TBCD: variants seen among roughly 807,000 people sequenced by gnomAD.
TBCD encodes the protein tubulin folding cofactor D.
TBCD carries 105 observed loss-of-function variants against 169.3 expected under a neutral mutation model. The ratio of observed to expected loss-of-function variants is 0.62; its 90% confidence interval spans 0.53 to 0.73. The LOEUF (loss-of-function observed/expected upper bound fraction) is 0.73, where lower values mean the gene tolerates loss of function less well. Among genes scored for constraint, TBCD ranks in the 30% least tolerant of loss-of-function variants. The pLI is 0.00. For synonymous variants in TBCD, 700 were observed against 643.9 expected (o/e 1.09, Z -1.32); for missense variants, 1,444 against 1,600.1 (o/e 0.90, Z 1.66).
intron 7 of TBCD, among the ~76,000 whole-genome samples, chr17:82,786,676 G>A (rs1034069277): frequency 6.6e-6 from 1 of 152,170 alleles, no homozygotes; most frequent in Admixed American, 6.5e-5. Flanking sequence ...CTGGTGAGGG[G>A]CTGTGGGCCA....
In TBCD at chr17:82,775,064, T is replaced by C. The variant is rs577948811; in HGVS notation, c.638+2557T>C. On this transcript the variant is annotated intron_variant, in intron 6 of 38. Coordinates refer to ENST00000355528, the MANE Select transcript of TBCD (RefSeq NM_005993.5). ...TGCCTGTGGGCCAGGAGGCACCATC[T>C]GAGTACTTCTCCCTCCGTGGGGTCC... is the stretch of plus-strand genomic sequence containing the variant. 4.5e-4 allele frequency among the ~76,000 whole-genome samples: 69 copies of C among 152,374 alleles called. 1 individual carries two copies. In the South Asian group the frequency reaches 0.014, roughly 31 times the overall value.
intron 16 of TBCD, among the ~76,000 whole-genome samples, chr17:82,891,303 C>A (rs2059120494): frequency 1.3e-5 from 2 of 152,216 alleles, no homozygotes; most frequent in South Asian, 4.1e-4. Flanking sequence ...TAAATTTAGG[C>A]AAGCAGCCAG....
chr17:82,858,782 G>A (rs1264686427), intron 13 of TBCD: 5 of 451,026 alleles, frequency 1.1e-5, no homozygotes, highest in Non-Finnish European at 1.5e-5. Flanking sequence ...CTGCTCAGCC[G>A]GTCCATGGCT....
At chr17:82,838,954 T>C in intron 13 of TBCD, 1 of 985,442 alleles carries the variant, frequency 1.0e-6, no homozygotes, top group Non-Finnish European at 1.2e-6. Context: ...GGACGGACTG[T>C]GCTTGGTCAG....
At chr17:82,753,043 T>C (rs1298437805) in intron 1 of TBCD, among the ~76,000 whole-genome samples, 1 of 152,224 alleles carries the variant, frequency 6.6e-6, no homozygotes, top group Non-Finnish European at 1.5e-5. Flanking sequence ...CCTTTACCGC[T>C]GTCTATAATG....
In TBCD at chr17:82,945,592, T is replaced by C. The variant is rs539597457; in HGVS notation, c.*3129T>C. 1 of 152,338 alleles carries C rather than the reference T, an allele frequency of 6.6e-6. No homozygotes were observed. Among genetic ancestry groups the C allele is most frequent in the South Asian group, 2.1e-4 (1 of 4,826 alleles). The allele number at this position is 152,338 out of a possible 1,614,324, so 9.4% of individuals were successfully genotyped here. On this transcript the variant is annotated 3_prime_UTR_variant, in exon 39 of 39. Transcript: ENST00000355528. Reference sequence around the variant, plus strand: ...TAAAGAAGAGAACAAAATTAAGTCATTTAGATAAAAATATGCCATTCTTAT... The same window carrying C: ...TAAAGAAGAGAACAAAATTAAGTCACTTAGATAAAAATATGCCATTCTTAT...
intron 13 of TBCD, among the ~76,000 whole-genome samples, chr17:82,827,221 C>T (rs1160993411): frequency 6.6e-6 from 1 of 152,222 alleles, no homozygotes; most frequent in Non-Finnish European, 1.5e-5. Flanking sequence ...TGTCACTGAG[C>T]AGCTTCAGTA....
intron 13 of TBCD, among the ~76,000 whole-genome samples, chr17:82,856,636 C>G (rs2145737794): frequency 6.6e-6 from 1 of 152,344 alleles, no homozygotes; most frequent in Middle Eastern, 3.4e-3. Context: ...CCTTTTGGCC[C>G]TTGTGAAGAA....
At chr17:82,900,093 G>A (rs1471737148) in intron 17 of TBCD, among the ~76,000 whole-genome samples, 2 of 152,194 alleles carry the variant, frequency 1.3e-5, no homozygotes, top group Non-Finnish European at 2.9e-5. Flanking sequence ...AGTGCAGCTG[G>A]CACACACTAA....
Position 82,773,589 on chromosome 17 carries a change from CG to C in TBCD, c.638+1086del, listed in dbSNP as rs142233363. Among the ~76,000 whole-genome samples the C allele has an allele frequency of 9.1e-3, 1,378 of 152,262 alleles. 16 individuals are homozygous for C. Among genetic ancestry groups the C allele is most frequent in the African/African-American group, 0.032 (1,335 of 41,546 alleles). On this transcript the variant is annotated intron_variant, in intron 6 of 38. Coordinates refer to ENST00000355528, the MANE Select transcript of TBCD (RefSeq NM_005993.5). ...GCCAACTCTGTCCATGGTCTCCCCG[CG>C]GGGCGGCACCAACTCTGTCCATGGC...
rs2047900828 is a variant in TBCD, at chr17:82,763,945, T to C, written c.236-20T>C. 6.2e-7 allele frequency: 1 copy of C among 1,604,240 alleles called. No homozygotes were observed. The highest frequency in any genetic ancestry group is 2.2e-5 in the East Asian group (1 of 44,818). On this transcript the variant is annotated intron_variant, in intron 2 of 38. Coordinates refer to ENST00000355528, the MANE Select transcript of TBCD (RefSeq NM_005993.5). ...TTGATGTTCACTTTTACAGTAAATGTTTCCTATGTTTTTCCCTAGAATGGA... is the reference window on the plus strand; with the variant it reads ...TTGATGTTCACTTTTACAGTAAATGCTTCCTATGTTTTTCCCTAGAATGGA...
chr17:82,941,268 C>A, intron 37 of TBCD, 131 bp from the exon 38 acceptor site: 1 of 710,398 alleles, frequency 1.4e-6, no homozygotes, highest in Non-Finnish European at 2.3e-6. Context: ...TGCCCTCAGC[C>A]TGGCTATGGA....
chr17:82,867,712 C>G (rs1366659829), intron 13 of TBCD, among the ~76,000 whole-genome samples: 1 of 152,228 alleles, frequency 6.6e-6, no homozygotes, highest in African/African-American at 2.4e-5. Context: ...CAGCCGCCTT[C>G]TTGTTTGGTT....
At chr17:82,797,924 T>A in intron 8 of TBCD, 122 bp downstream of exon 8, 1 of 544,620 alleles carries the variant, frequency 1.8e-6, no homozygotes, top group Non-Finnish European at 2.8e-6. Flanking sequence ...GTTTGGACAC[T>A]ATCGTTCTTT....
Position 82,920,663 on chromosome 17 carries a change from C to T in TBCD, c.2101+45C>T. ...ATAATAGCATTTTCTTACAGAATGA[C>T]TTCAGATTAAAAGGTAAAAATGAAC... is the stretch of plus-strand genomic sequence containing the variant. On this transcript the variant is annotated intron_variant, in intron 24 of 38. Coordinates refer to ENST00000355528, the MANE Select transcript of TBCD (RefSeq NM_005993.5). This position sits in a 1 kb window ranked among gnomAD's most constrained non-coding sequence, Gnocchi z 4.1. 1 of 1,470,928 alleles carries T rather than the reference C, an allele frequency of 6.8e-7. No individual in the cohort carries two copies. The highest frequency in any genetic ancestry group is 1.3e-5 in the South Asian group (1 of 79,450). 91.1% of individuals were successfully genotyped at this position (1,470,928 alleles called of 1,614,324 possible). A position where few individuals can be genotyped will look rare whatever the true frequency, so the allele number is the denominator to read the frequency against.
At chr17:82,779,558 G>A (rs189314270) in intron 6 of TBCD, among the ~76,000 whole-genome samples, 3 of 152,312 alleles carry the variant, frequency 2.0e-5, no homozygotes, top group African/African-American at 7.2e-5. Context: ...GGTGCCAGCC[G>A]TCCTGTCAGC....
intron 6 of TBCD, among the ~76,000 whole-genome samples, chr17:82,774,291 G>A (rs990436759): frequency 2.0e-4 from 31 of 152,104 alleles, no homozygotes; most frequent in Admixed American, 1.9e-3. Context: ...GTTTAACAAA[G>A]CACATCTTGC....
At chr17:82,779,358 C>G (rs1025750422) in intron 6 of TBCD, among the ~76,000 whole-genome samples, 2 of 151,954 alleles carry the variant, frequency 1.3e-5, no homozygotes, top group Non-Finnish European at 2.9e-5. Flanking sequence ...TGAACTCAAG[C>G]TATTCACCCA....
Position 82,849,070 on chromosome 17 carries a change from C to T in TBCD, c.1319-21154C>T, listed in dbSNP as rs9893665. On this transcript the variant is annotated intron_variant, in intron 13 of 38. Transcript: ENST00000355528. The stretch of plus-strand genomic sequence containing the variant: ...TCTCCACCTCGATGTCCCCCTCTGC[C>T]TGCTGCGTCTTCTCACCTCGATGTC... 6.9e-3 allele frequency among the ~76,000 whole-genome samples: 157 copies of T among 22,596 alleles called. 22 individuals are homozygous for T. Among genetic ancestry groups the T allele is most frequent in the East Asian group, 0.025 (8 of 326 alleles). 14.8% of individuals were successfully genotyped at this position (22,596 alleles called of 152,430 possible). A position where few individuals can be genotyped will look rare whatever the true frequency, so the allele number is the denominator to read the frequency against.
Sources: gnomAD v4.1 joint callset for allele counts (sites outside exome capture counted in the v4.1 genomes callset) on GRCh38, gnomAD v4.1.1 for gene constraint, Gnocchi (gnomAD v3.1) non-coding constraint, MANE v1.5 for transcripts, NCBI Gene and HGNC (gene_info 2026-07-23, HGNC 2026-07-21) for gene names.